TASP1: variants seen among roughly 807,000 people sequenced by gnomAD.
TASP1 encodes threonine aspartase 1.
Under a neutral mutation model 56.6 loss-of-function variants are expected in TASP1, and 16 were observed. That is an observed-to-expected ratio of 0.28 (90% CI 0.19 to 0.43). TASP1 has a LOEUF of 0.43. TASP1 is among the 20% of genes least tolerant of loss of function. The pLI is 1.00. For missense variants in TASP1, 393 were observed against 511.6 expected (o/e 0.77, Z 2.24); for synonymous variants, 179 against 184.2 (o/e 0.97, Z 0.23).
chr20:13,553,302 C>T (rs1393959941), intron 8 of TASP1, among the ~76,000 whole-genome samples: 7 of 152,086 alleles, frequency 4.6e-5, no homozygotes, highest in African/African-American at 9.7e-5. Flanking sequence ...GCTAAATTTA[C>T]ACCATTAAGC....
the TASP1 span, among the ~76,000 whole-genome samples, chr20:13,209,684 A>G: frequency 6.6e-6 from 1 of 152,224 alleles, no homozygotes; most frequent in Admixed American, 6.5e-5. Flanking sequence ...TTATCTAAAA[A>G]AAATCTGCCA....
At position 13,443,420 on chromosome 20, in the gene TASP1, T is replaced by G. The variant is rs545750091; in HGVS notation, c.986-8266A>C. On this transcript the variant is annotated intron_variant, in intron 11 of 13. Transcript: ENST00000337743. ...TTAATAAATTAAGACAATCTTAAATTCCATTAACATATGTGCAAGCAGCTG... is the reference window on the plus strand; with the variant it reads ...TTAATAAATTAAGACAATCTTAAATGCCATTAACATATGTGCAAGCAGCTG... Among the ~76,000 whole-genome samples, 301 of 152,272 alleles carry G rather than the reference T, an allele frequency of 2.0e-3. 1 individual carries two copies. Among genetic ancestry groups the G allele is most frequent in the Non-Finnish European group, 3.2e-3 (220 of 68,014 alleles).
chr20:13,292,807 A>C, the TASP1 span, among the ~76,000 whole-genome samples: 2 of 152,190 alleles, frequency 1.3e-5, no homozygotes, highest in African/African-American at 4.8e-5. Context: ...CGTCCTCAAG[A>C]AAATCAAGAA....
intron 12 of TASP1, among the ~76,000 whole-genome samples, chr20:13,427,796 T>C (rs1177066894): frequency 6.6e-6 from 1 of 152,004 alleles, no homozygotes; most frequent in Non-Finnish European, 1.5e-5. Context: ...AAACATTTCA[T>C]AGTAAAAGAT....
chr20:13,314,591 T>C, the TASP1 span, among the ~76,000 whole-genome samples: 1 of 152,024 alleles, frequency 6.6e-6, no homozygotes, highest in Non-Finnish European at 1.5e-5. Flanking sequence ...GGATGGAATT[T>C]GTTACCAGTA....
chr20:13,490,545 C>T (rs1415145890), intron 10 of TASP1, among the ~76,000 whole-genome samples: 1 of 152,196 alleles, frequency 6.6e-6, no homozygotes, highest in Non-Finnish European at 1.5e-5. Flanking sequence ...TTACAAAAAG[C>T]TTCTGTAACT....
rs752137613 is a variant in TASP1, at chr20:13,629,941, C to T, written c.138G>A (p.Val46=). The T allele has an allele frequency of 2.5e-6, 4 of 1,613,432 alleles. No individual in the cohort carries two copies. Among genetic ancestry groups the T allele is most frequent in the East Asian group, 2.2e-5 (1 of 44,820 alleles). The change falls in exon 2 of 14, where the codon GTG becomes GTA. Residue 46 remains valine, a synonymous_variant. Coordinates refer to ENST00000337743, the MANE Select transcript of TASP1 (RefSeq NM_017714.3). ...YKEKRGGFVL[V]HAGAGYHSES... ...GCCATCCACAAAGCTTACCTGCATG[C>T]ACCAACACAAAGCCTCCTCGTTTCT...
At chr20:13,257,771 G>A in the TASP1 span, among the ~76,000 whole-genome samples, 2 of 151,896 alleles carry the variant, frequency 1.3e-5, no homozygotes, top group African/African-American at 4.8e-5. Flanking sequence ...GAGCAGAGTT[G>A]AGAATTAAAT....
In TASP1 at chr20:13,514,247, T is replaced by C. The variant is rs537967215; in HGVS notation, c.874+14186A>G. ...CATCAATATTAGTAAACAGTGATCA[T>C]TATGATAGATTACAACATATATAAT... On this transcript the variant is annotated intron_variant, in intron 10 of 13. Coordinates refer to ENST00000337743, the MANE Select transcript of TASP1 (RefSeq NM_017714.3). Among the ~76,000 whole-genome samples, 9 of 152,260 alleles carry C rather than the reference T, an allele frequency of 5.9e-5. No homozygotes were observed. In the East Asian group the frequency reaches 1.4e-3, roughly 23 times the overall value.
At chr20:13,205,879 C>T in the TASP1 span, among the ~76,000 whole-genome samples, 1 of 152,168 alleles carries the variant, frequency 6.6e-6, no homozygotes, top group African/African-American at 2.4e-5. Context: ...TCTGAGGACC[C>T]TCTAGATCTG....
the TASP1 span, among the ~76,000 whole-genome samples, chr20:13,229,387 G>A: frequency 6.6e-6 from 1 of 152,122 alleles, no homozygotes; most frequent in Admixed American, 6.5e-5. Flanking sequence ...GATTAGTTTT[G>A]CCTGTTCCAG....
At chr20:13,510,840 T>C (rs1378187990) in intron 10 of TASP1, among the ~76,000 whole-genome samples, 1 of 152,140 alleles carries the variant, frequency 6.6e-6, no homozygotes, top group Non-Finnish European at 1.5e-5. Context: ...ACTGTTATCA[T>C]CCTTATTATT....
the TASP1 span, among the ~76,000 whole-genome samples, chr20:13,220,193 C>T: frequency 6.6e-6 from 1 of 152,128 alleles, no homozygotes; most frequent in African/African-American, 2.4e-5. Context: ...AGGGGAAGCG[C>T]AGTATAAAAG....
chr20:13,529,236 T>C (rs1423871187), intron 9 of TASP1, among the ~76,000 whole-genome samples: 1 of 152,206 alleles, frequency 6.6e-6, no homozygotes, highest in Non-Finnish European at 1.5e-5. Flanking sequence ...AGGTACACAA[T>C]AAGCTACTAT....
chr20:13,436,428 A>T (rs913909067), intron 11 of TASP1, among the ~76,000 whole-genome samples: 1 of 152,040 alleles, frequency 6.6e-6, no homozygotes. Context: ...CAAGCCCATA[A>T]TCTTTATTCT....
intron 8 of TASP1, among the ~76,000 whole-genome samples, chr20:13,538,160 C>T (rs1251509832): frequency 6.6e-6 from 1 of 152,068 alleles, no homozygotes; most frequent in Non-Finnish European, 1.5e-5. Context: ...CACCACCACA[C>T]CCAGCTAATT....
chr20:13,364,197 A>G, the TASP1 span, among the ~76,000 whole-genome samples: 1 of 152,302 alleles, frequency 6.6e-6, no homozygotes, highest in South Asian at 2.1e-4. Context: ...TTTCTGGTAT[A>G]TGGATGTCCT....
intron 11 of TASP1, 118 bp from the exon 12 acceptor site, chr20:13,435,272 A>C (rs2146192083): frequency 2.6e-6 from 2 of 755,832 alleles, no homozygotes; most frequent in East Asian, 5.4e-5. Flanking sequence ...ATTTTCTGAT[A>C]ATCACCATTG....
chr20:13,272,484 A>C, the TASP1 span, among the ~76,000 whole-genome samples: 2 of 152,240 alleles, frequency 1.3e-5, no homozygotes, highest in Admixed American at 1.3e-4. Context: ...TGGAGGGATC[A>C]TGAAGACAGA....
Sources: gnomAD v4.1 joint callset for allele counts (sites outside exome capture counted in the v4.1 genomes callset) on GRCh38, gnomAD v4.1.1 for gene constraint, MANE v1.5 for transcripts, NCBI Gene and HGNC (gene_info 2026-07-23, HGNC 2026-07-21) for gene names.